Variants in ADK observed in about 807,000 individuals in gnomAD.
The protein encoded by ADK is adenosine kinase.
In ADK, 24 loss-of-function variants were observed where a neutral mutation model predicts 44.7. The observed-to-expected ratio is 0.54, with a 90% CI of 0.39 to 0.76. The LOEUF is 0.76. Ranked by LOEUF, ADK falls within the 30% of genes least tolerant of loss-of-function variation. The pLI, the probability that ADK is intolerant of heterozygous loss-of-function variation, is 0.00. For synonymous variants in ADK, 128 were observed against 142.6 expected (o/e 0.90, Z 0.73); for missense variants, 321 against 425.1 (o/e 0.76, Z 2.15).
chr10:74,379,643 C>T (rs1441875161), intron 4 of ADK, among the ~76,000 whole-genome samples: 5 of 152,202 alleles, frequency 3.3e-5, no homozygotes, highest in Non-Finnish European at 7.3e-5. Context: ...CTTTGCATTG[C>T]TCCTCCCTCT....
intron 3 of ADK, among the ~76,000 whole-genome samples, chr10:74,245,567 A>G (rs1845382683): frequency 6.7e-6 from 1 of 148,448 alleles, no homozygotes; most frequent in African/African-American, 2.5e-5. Context: ...GACAACAAGT[A>G]TTCCTCATTC....
intron 2 of ADK, among the ~76,000 whole-genome samples, chr10:74,209,931 G>T (rs1225881983): frequency 6.6e-6 from 1 of 152,046 alleles, no homozygotes; most frequent in Non-Finnish European, 1.5e-5. Flanking sequence ...GTGTAAGGTA[G>T]GTTTGCCTTG....
intron 7 of ADK, among the ~76,000 whole-genome samples, chr10:74,552,911 A>T (rs118068331): frequency 2.2e-4 from 33 of 152,318 alleles, no homozygotes; most frequent in Non-Finnish European, 4.4e-4. Flanking sequence ...GAATGGTTAA[A>T]ATCAAAAGGA....
intron 4 of ADK, among the ~76,000 whole-genome samples, chr10:74,369,693 GTGAATGTC>G (rs139482303): frequency 0.019 from 2,871 of 152,092 alleles, 90 homozygotes; most frequent in African/African-American, 0.066. Flanking sequence ...ATATTTACTG[GTGAATGTC>G]TGAATGCTTT....
At chr10:74,417,315 G>A (rs951610642) in intron 6 of ADK, among the ~76,000 whole-genome samples, 8 of 152,032 alleles carry the variant, frequency 5.3e-5, no homozygotes, top group East Asian at 1.9e-4. Context: ...TTAATATAAC[G>A]GAAGACTTTT....
chr10:74,198,676 A>C (rs1340548298), intron 1 of ADK, among the ~76,000 whole-genome samples: 1 of 152,220 alleles, frequency 6.6e-6, no homozygotes, highest in Non-Finnish European at 1.5e-5. Flanking sequence ...CTGATCCAAC[A>C]GTATTCACTG....
chr10:74,566,465 G>A (rs1002880995), intron 7 of ADK, among the ~76,000 whole-genome samples: 3 of 151,960 alleles, frequency 2.0e-5, no homozygotes, highest in African/African-American at 7.2e-5. Context: ...GTCTCCCAAC[G>A]TGCTGGGATT....
chr10:74,585,590 A>G (rs1447995379), intron 7 of ADK, among the ~76,000 whole-genome samples: 1 of 152,168 alleles, frequency 6.6e-6, no homozygotes, highest in Non-Finnish European at 1.5e-5. Flanking sequence ...GGAGCAGGAA[A>G]GCCTCTGTGT....
rs931854522 is a variant in ADK, at chr10:74,665,578, T to A, written c.878-4605T>A. Among the ~76,000 whole-genome samples the A allele has an allele frequency of 5.9e-5, 9 of 151,982 alleles. No homozygotes were observed. The East Asian group carries it at 1.4e-3, about 23-fold the overall frequency. ...CAAGACCCTGTCTCTACAAAAAAAATTTAAAAATTAGCCAGGCATGTTGGC... is the reference window on the plus strand; with the variant it reads ...CAAGACCCTGTCTCTACAAAAAAAAATTAAAAATTAGCCAGGCATGTTGGC... On this transcript the variant is annotated intron_variant, in intron 9 of 10. Transcript: ENST00000539909.
chr10:74,431,966 G>C (rs1255715001), intron 6 of ADK, among the ~76,000 whole-genome samples: 4 of 152,100 alleles, frequency 2.6e-5, no homozygotes, highest in East Asian at 1.9e-4. Context: ...GCCAAGGCGG[G>C]AGGATCCCTG....
intron 3 of ADK, among the ~76,000 whole-genome samples, chr10:74,302,189 C>T (rs545596955): frequency 1.2e-3 from 148 of 123,974 alleles, no homozygotes; most frequent in African/African-American, 4.4e-3. Context: ...GGTGCAGTGG[C>T]GTGATCTTGG....
intron 3 of ADK, among the ~76,000 whole-genome samples, chr10:74,237,144 CA>C (rs1484883440): frequency 6.6e-6 from 1 of 152,212 alleles, no homozygotes; most frequent in Non-Finnish European, 1.5e-5. Flanking sequence ...ATGTTACCCA[CA>C]GTAGAATTTG....
At chr10:74,303,588 G>GTTTTTTTTTTTTTGTTGTTT (rs1840142177) in intron 3 of ADK, among the ~76,000 whole-genome samples, 1 of 68,576 alleles carries the variant, frequency 1.5e-5, no homozygotes, top group East Asian at 4.6e-4. Context: ...TTTTAATGTT[G>GTTTTTTTTTTTTTGTTGTTT]TTTTTTTTTT....
intron 7 of ADK, among the ~76,000 whole-genome samples, chr10:74,557,084 G>C (rs1207858900): frequency 6.6e-6 from 1 of 152,144 alleles, no homozygotes; most frequent in Non-Finnish European, 1.5e-5. Flanking sequence ...TGGTCAAGTG[G>C]CACTACAAAT....
chr10:74,314,657 T>G lies in ADK; in HGVS notation c.195-10T>G, dbSNP rs1481906766. The G allele has an allele frequency of 6.2e-7, 1 of 1,606,536 alleles. No individual in the cohort carries two copies. The highest frequency in any genetic ancestry group is 8.5e-7 in the Non-Finnish European group (1 of 1,173,902). On this transcript the variant is annotated splice_polypyrimidine_tract_variant and intron_variant, in intron 3 of 10. Transcript: ENST00000539909. ...GTAACTTACTTTTTTCTACTGTGAT[T>G]TCCTTATAGGTTTGATGAACTTGTG...
chr10:74,310,825 T>C (rs575243691), intron 3 of ADK, among the ~76,000 whole-genome samples: 28 of 152,302 alleles, frequency 1.8e-4, no homozygotes, highest in African/African-American at 6.7e-4. Context: ...GTTTATTGTT[T>C]TAGCCTCAAC....
At chr10:74,287,982 C>CAAA (rs367569110) in intron 3 of ADK, among the ~76,000 whole-genome samples, 1,662 of 68,580 alleles carry the variant, frequency 0.024, 34 homozygotes, top group African/African-American at 0.068. Context: ...GACCCTGTCT[C>CAAA]AAAAAAAAAA....
intron 6 of ADK, among the ~76,000 whole-genome samples, chr10:74,471,541 T>G (rs1429876349): frequency 1.3e-5 from 2 of 152,140 alleles, no homozygotes; most frequent in East Asian, 3.8e-4. Flanking sequence ...TGCAAAAAAA[T>G]GTCATTGGGA....
chr10:74,626,851 AAC>A, intron 9 of ADK, among the ~76,000 whole-genome samples: 1 of 152,170 alleles, frequency 6.6e-6, no homozygotes, highest in East Asian at 1.9e-4. Context: ...AGTTTCCTGC[AAC>A]AGTTATATGG....
Sources: allele counts gnomAD v4.1 joint callset (sites outside exome capture counted in the v4.1 genomes callset), GRCh38; gene constraint gnomAD v4.1.1; transcripts MANE v1.5; gene names NCBI Gene and HGNC (gene_info 2026-07-23, HGNC 2026-07-21).